Variants in MMP26 observed in about 807,000 individuals in gnomAD.
MMP26 encodes matrix metallopeptidase 26, also known as matrix metalloproteinase-26.
MMP26 carries 33 observed loss-of-function variants against 31.0 expected under a neutral mutation model. That is an observed-to-expected ratio of 1.06 (90% CI 0.81 to 1.42). The LOEUF is 1.42. MMP26 is among the 40% of genes most tolerant of loss of function. The pLI is 0.00. For synonymous variants in MMP26, 122 were observed against 114.9 expected, an observed-to-expected ratio of 1.06 and a Z score of -0.40; for missense variants, 347 against 316.1, an observed-to-expected ratio of 1.10 and a Z score of -0.74.
chr11:4,848,440 G>A, intron 2 of MMP26: 1 of 1,614,000 alleles, frequency 6.2e-7, no homozygotes, highest in Non-Finnish European at 8.5e-7. Flanking sequence ...ATATAGAAGA[G>A]GAGCACTGCA....
chr11:4,774,602 T>C (rs189357688), intron 2 of MMP26, among the ~76,000 whole-genome samples: 62 of 152,308 alleles, frequency 4.1e-4, no homozygotes, highest in African/African-American at 1.3e-3. Context: ...GATGATAGTT[T>C]CTTTTGCTGT....
At chr11:4,804,437 A>ACTTGTTTTGATTGTT in intron 2 of MMP26, 1 of 1,307,186 alleles carries the variant, frequency 7.7e-7, no homozygotes, top group Non-Finnish European at 1.1e-6. Context: ...AGATGATAAC[A>ACTTGTTTTGATTGTT]ATCAAAACAA....
chr11:4,898,904 G>A (rs536659628), intron 2 of MMP26, among the ~76,000 whole-genome samples: 6 of 151,270 alleles, frequency 4.0e-5, no homozygotes, highest in African/African-American at 1.5e-4. Context: ...CTGTAAGAAT[G>A]TGAAGGAAGC....
At chr11:4,766,715 C>CCCTCCCCT (rs146904358) in intron 1 of MMP26, among the ~76,000 whole-genome samples, 1 of 113,892 alleles carries the variant, frequency 8.8e-6, no homozygotes, top group Non-Finnish European at 1.8e-5. Context: ...CTCCCTCCCT[C>CCCTCCCCT]CCTTCCTTCC....
rs189089271 is a variant in MMP26 at position 4,900,409 on chromosome 11, G to A, written c.-144-87659G>A. ...GGCCATTTTCTACTCAAGAAGTGATGCTACATTGGGCAGTTAACATTGTTT... is the reference window on the plus strand; with the variant it reads ...GGCCATTTTCTACTCAAGAAGTGATACTACATTGGGCAGTTAACATTGTTT... On this transcript the variant is annotated intron_variant, in intron 2 of 7. Coordinates refer to ENST00000380390, the MANE Select transcript of MMP26 (RefSeq NM_021801.5). Among the ~76,000 whole-genome samples the A allele has an allele frequency of 3.2e-3, 481 of 152,292 alleles. 2 individuals carry two copies. In the Middle Eastern group the frequency reaches 0.037, roughly 12 times the overall value.
At chr11:4,957,982 C>T (rs2133617688) in intron 2 of MMP26, among the ~76,000 whole-genome samples, 1 of 152,262 alleles carries the variant, frequency 6.6e-6, no homozygotes, top group African/African-American at 2.4e-5. Flanking sequence ...AATTTTGACA[C>T]AACTAGGCAC....
At chr11:4,849,208 T>A in intron 2 of MMP26, 1 of 1,598,800 alleles carries the variant, frequency 6.3e-7, no homozygotes, top group Non-Finnish European at 8.5e-7. Flanking sequence ...AATGTTGACA[T>A]AGTTCAGGAT....
chr11:4,722,337 C>A (rs1188591616), intron 1 of MMP26, among the ~76,000 whole-genome samples: 2 of 152,096 alleles, frequency 1.3e-5, no homozygotes, highest in African/African-American at 4.8e-5. Flanking sequence ...ATACATATCT[C>A]TTTAATGAGC....
chr11:4,749,453 G>T (rs1008209716), intron 1 of MMP26, among the ~76,000 whole-genome samples: 2 of 151,614 alleles, frequency 1.3e-5, no homozygotes, highest in South Asian at 2.1e-4. Context: ...TTATAAAAAA[G>T]GAGCCTGAAT....
intron 2 of MMP26, among the ~76,000 whole-genome samples, chr11:4,986,251 G>T (rs1846884920): frequency 6.6e-6 from 1 of 151,574 alleles, no homozygotes; most frequent in Admixed American, 6.6e-5. Flanking sequence ...CTATACCAAA[G>T]GTTTAAAACA....
chr11:4,891,767 T>A (rs1850626606), intron 2 of MMP26, among the ~76,000 whole-genome samples: 1 of 152,190 alleles, frequency 6.6e-6, no homozygotes, highest in South Asian at 2.1e-4. Flanking sequence ...ATTCTTGGAT[T>A]TTCTCTATAG....
At chr11:4,827,689 G>A (rs1424483080) in intron 2 of MMP26, among the ~76,000 whole-genome samples, 6 of 151,962 alleles carry the variant, frequency 3.9e-5, no homozygotes, top group Admixed American at 6.6e-5. Context: ...GTAAGGGAAA[G>A]CAGAAATGGA....
At chr11:4,773,728 C>T (rs1848756356) in intron 2 of MMP26, among the ~76,000 whole-genome samples, 1 of 152,024 alleles carries the variant, frequency 6.6e-6, no homozygotes, top group Non-Finnish European at 1.5e-5. Flanking sequence ...ACTATCCACC[C>T]ATCACCTAGG....
intron 2 of MMP26, among the ~76,000 whole-genome samples, chr11:4,767,781 C>G (rs760917001): frequency 6.6e-6 from 1 of 152,068 alleles, no homozygotes; most frequent in Non-Finnish European, 1.5e-5. Flanking sequence ...TTGTGGGGTA[C>G]CTGGTACATT....
chr11:4,909,794 A>C (rs1027186973), intron 2 of MMP26, among the ~76,000 whole-genome samples: 2 of 152,182 alleles, frequency 1.3e-5, no homozygotes, highest in African/African-American at 4.8e-5. Flanking sequence ...GCTGTGCAGT[A>C]ACTTACAAGA....
At chr11:4,932,486 T>C (rs771285375) in intron 2 of MMP26, among the ~76,000 whole-genome samples, 5 of 152,146 alleles carry the variant, frequency 3.3e-5, no homozygotes, top group Non-Finnish European at 7.4e-5. Context: ...GATAGAAGCC[T>C]AAGCTACATG....
intron 2 of MMP26, chr11:4,915,237 T>A: frequency 3.1e-6 from 5 of 1,613,794 alleles, no homozygotes. Flanking sequence ...ATGACTGTGT[T>A]GGTGAGAATG....
chr11:4,767,065 A>C (rs1457390113), intron 1 of MMP26, among the ~76,000 whole-genome samples: 1 of 152,206 alleles, frequency 6.6e-6, no homozygotes, highest in Non-Finnish European at 1.5e-5. Context: ...GCATTGTTTT[A>C]TCAAAAGGTG....
Position 4,849,302 on chromosome 11 carries a change from A to G in MMP26, c.-145+81961A>G. 2.2e-6 allele frequency: 3 copies of G among 1,360,058 alleles called. No homozygotes were observed. In the South Asian group the frequency reaches 4.1e-5, roughly 19 times the overall value. 84.2% of individuals were successfully genotyped at this position (1,360,058 alleles called of 1,614,324 possible). A position where few individuals can be genotyped will look rare whatever the true frequency, so the allele number is the denominator to read the frequency against. On this transcript the variant is annotated intron_variant, in intron 2 of 7. Transcript: ENST00000380390. ...AAATTTGCATGAAACGTTCCAAAAT[A>G]GCCTGCATCTTCCCTTCCCTGACTC...
Sources: gnomAD v4.1 joint callset for allele counts (sites outside exome capture counted in the v4.1 genomes callset) on GRCh38, gnomAD v4.1.1 for gene constraint, MANE v1.5 for transcripts, NCBI Gene and HGNC (gene_info 2026-07-23, HGNC 2026-07-21) for gene names.